Variants in AOPEP observed in about 807,000 individuals in gnomAD.
AOPEP encodes the protein aminopeptidase O.
A neutral mutation model predicts 98.1 loss-of-function variants in AOPEP; 77 were observed. The observed-to-expected ratio is 0.78, with a 90% CI of 0.65 to 0.95. The LOEUF (loss-of-function observed/expected upper bound fraction) is 0.95, where lower values mean the gene tolerates loss of function less well. Among genes scored for constraint, AOPEP ranks in the 40% least tolerant of loss-of-function variants. The pLI, the probability that AOPEP is intolerant of heterozygous loss-of-function variation, is 0.00. For missense variants in AOPEP, 1,024 were observed against 1,024.7 expected (o/e 1.00, Z 0.01); for synonymous variants, 346 against 365.3 (o/e 0.95, Z 0.60).
chr9:94,835,613 T>C (rs909558995), intron 5 of AOPEP, among the ~76,000 whole-genome samples: 5 of 152,218 alleles, frequency 3.3e-5, no homozygotes, highest in African/African-American at 1.2e-4. Flanking sequence ...AGAAATGCAT[T>C]GAGACTCCTG....
Position 94,947,893 on chromosome 9 carries a change from C to T in AOPEP, c.1662-7284C>T, listed in dbSNP as rs374390029. 3.7e-4 allele frequency among the ~76,000 whole-genome samples: 57 copies of T among 152,332 alleles called. No homozygotes were observed. In the South Asian group the frequency reaches 0.012, roughly 32 times the overall value. The stretch of plus-strand genomic sequence containing the variant: ...TCCTAACTGCTCCTCTCCACATCAC[C>T]TCCCCCAGTGGGATTCCCATTACAT... On this transcript the variant is annotated intron_variant, in intron 7 of 16. Transcript: ENST00000375315.
intron 5 of AOPEP, among the ~76,000 whole-genome samples, chr9:94,843,600 G>C (rs2042527318): frequency 6.6e-6 from 1 of 152,176 alleles, no homozygotes; most frequent in African/African-American, 2.4e-5. Flanking sequence ...CAGCCTCCTG[G>C]ATAGGTTGAG....
At chr9:94,918,030 C>A (rs779593268) in intron 5 of AOPEP, among the ~76,000 whole-genome samples, 4 of 152,124 alleles carry the variant, frequency 2.6e-5, no homozygotes, top group Non-Finnish European at 5.9e-5. Flanking sequence ...TCCTGTAGCT[C>A]TTTGAGTTTG....
downstream of AOPEP, among the ~76,000 whole-genome samples, chr9:95,092,143 A>G (rs1463998216): frequency 6.6e-6 from 1 of 152,152 alleles, no homozygotes; most frequent in Admixed American, 6.5e-5. Context: ...ATGCAGAGAA[A>G]GACCTCTGAC....
At chr9:94,769,842 G>A (rs761648287) in intron 2 of AOPEP, among the ~76,000 whole-genome samples, 5 of 152,200 alleles carry the variant, frequency 3.3e-5, no homozygotes, top group Non-Finnish European at 5.9e-5. Context: ...TTTCAAGAGC[G>A]TGACAGAAGG....
chr9:94,860,558 T>A (rs4744388), intron 5 of AOPEP, among the ~76,000 whole-genome samples: 139,234 of 152,160 alleles, frequency 0.92, 63,924 homozygotes, highest in East Asian at 0.96. Flanking sequence ...GGCTTAGACC[T>A]GGGTGGAGAG....
At chr9:94,767,718 T>C (rs963443161) in intron 2 of AOPEP, among the ~76,000 whole-genome samples, 3 of 152,190 alleles carry the variant, frequency 2.0e-5, no homozygotes, top group Admixed American at 6.5e-5. Context: ...CCAAAACATC[T>C]CTGGTGAAGA....
intron 11 of AOPEP, among the ~76,000 whole-genome samples, chr9:95,000,355 ATTAAT>A (rs1286673911): frequency 1.3e-5 from 2 of 152,120 alleles, no homozygotes; most frequent in African/African-American, 4.8e-5. Context: ...TATTTTTTGG[ATTAAT>A]TTATAATTTT....
the AOPEP span, among the ~76,000 whole-genome samples, chr9:95,102,784 T>C: frequency 2.6e-5 from 4 of 152,214 alleles, no homozygotes; most frequent in Non-Finnish European, 4.4e-5. Flanking sequence ...GAGCCTCTTG[T>C]CGCATGCGCA....
At chr9:95,041,049 C>A (rs1416502536) in intron 13 of AOPEP, among the ~76,000 whole-genome samples, 83 of 144,132 alleles carry the variant, frequency 5.8e-4, no homozygotes, top group Non-Finnish European at 7.1e-4. Context: ...CTCCACACTC[C>A]AAAAAAAAAA....
chr9:95,018,017 G>C (rs912798246), intron 13 of AOPEP, among the ~76,000 whole-genome samples: 1 of 152,112 alleles, frequency 6.6e-6, no homozygotes. Flanking sequence ...ACATTTTGTT[G>C]ATCCACTTAC....
At chr9:95,021,167 A>C (rs571167901) in intron 13 of AOPEP, among the ~76,000 whole-genome samples, 1 of 152,276 alleles carries the variant, frequency 6.6e-6, no homozygotes, top group Non-Finnish European at 1.5e-5. Flanking sequence ...AGGCCAGATC[A>C]AACTACCCTC....
intron 2 of AOPEP, chr9:94,760,816 C>T (rs989950393): frequency 5.4e-6 from 2 of 373,796 alleles, no homozygotes; most frequent in African/African-American, 4.2e-5. Flanking sequence ...CTCCCTATTT[C>T]TGAGTTAAGA....
intron 13 of AOPEP, chr9:95,019,408 A>G (rs770953876): frequency 7.2e-5 from 11 of 152,270 alleles, no homozygotes; most frequent in South Asian, 4.1e-4. Flanking sequence ...ATCATTTTTT[A>G]TACGCAGTAA....
chr9:94,814,949 A>G (rs1021577281), intron 5 of AOPEP, among the ~76,000 whole-genome samples: 5 of 152,184 alleles, frequency 3.3e-5, no homozygotes, highest in African/African-American at 1.2e-4. Context: ...AAACTTGTCA[A>G]TTAGAGGTTG....
chr9:95,012,724 C>G (rs892732824), intron 13 of AOPEP, among the ~76,000 whole-genome samples: 1 of 151,992 alleles, frequency 6.6e-6, no homozygotes, highest in Non-Finnish European at 1.5e-5. Flanking sequence ...TGTTCAGGGT[C>G]TGTGCCCACA....
chr9:95,131,334 T>C, the AOPEP span, among the ~76,000 whole-genome samples: 1 of 152,204 alleles, frequency 6.6e-6, no homozygotes, highest in South Asian at 2.1e-4. Context: ...GGAAGAAAGC[T>C]CCTCAGCCCC....
intron 13 of AOPEP, chr9:95,019,120 A>G (rs1346241467): frequency 1.3e-5 from 2 of 152,212 alleles, no homozygotes; most frequent in East Asian, 1.9e-4. Context: ...CAGCAAGTAT[A>G]CAGCAGCAAG....
At chr9:94,974,730 G>T (rs1419117445) in intron 10 of AOPEP, among the ~76,000 whole-genome samples, 2 of 152,168 alleles carry the variant, frequency 1.3e-5, no homozygotes, top group Non-Finnish European at 2.9e-5. Flanking sequence ...TTTGGAGCAG[G>T]CACAGGCCCA....
Sources: allele counts gnomAD v4.1 joint callset (sites outside exome capture counted in the v4.1 genomes callset), GRCh38; gene constraint gnomAD v4.1.1; transcripts MANE v1.5; gene names NCBI Gene and HGNC (gene_info 2026-07-23, HGNC 2026-07-21).